The following LRRFIP1 variants were observed in gnomAD, a reference collection of about 807,000 sequenced individuals.
LRRFIP1 encodes the protein leucine-rich repeat flightless-interacting protein 1.
Under a neutral mutation model 104.4 loss-of-function variants are expected in LRRFIP1, and 62 were observed. The ratio of observed to expected loss-of-function variants is 0.59; its 90% CI spans 0.48 to 0.73. LRRFIP1 has a LOEUF of 0.73. LRRFIP1 is among the 30% of genes least tolerant of loss of function. The pLI is 0.00. For missense variants in LRRFIP1, 796 were observed against 824.5 expected, an observed-to-expected ratio of 0.97 and a Z score of 0.42; for synonymous variants, 300 against 299.0, an observed-to-expected ratio of 1.00 and a Z score of -0.03.
intron 1 of LRRFIP1, among the ~76,000 whole-genome samples, chr2:237,634,587 C>A (rs1328026952): frequency 2.0e-5 from 3 of 152,134 alleles, no homozygotes; most frequent in African/African-American, 7.2e-5. Context: ...TAAATGAGAT[C>A]TTTCACAAAA....
At chr2:237,682,721 A>G (rs763866110) in intron 1 of LRRFIP1, among the ~76,000 whole-genome samples, 12 of 152,170 alleles carry the variant, frequency 7.9e-5, no homozygotes, top group Admixed American at 2.0e-4. Flanking sequence ...CTGTCTTTCA[A>G]TGCTCCTGGC....
chr2:237,764,142 C>G (rs1258719421), intron 19 of LRRFIP1: 1 of 1,614,134 alleles, frequency 6.2e-7, no homozygotes, highest in Non-Finnish European at 8.5e-7. Flanking sequence ...ATGTCCTAAG[C>G]TGAGGCAGGC....
rs746057974 is a variant in LRRFIP1, at chr2:237,680,413, C to T, written c.97-28131C>T. On this transcript the variant is annotated intron_variant, in intron 1 of 23. Transcript: ENST00000308482. ...CAGACGTTTTTCTTGTCATTATTCT[C>T]TAAACAATACAGTCTAACAACTATT... Among the ~76,000 whole-genome samples, 59 of 152,336 alleles carry T rather than the reference C, an allele frequency of 3.9e-4. 1 individual carries two copies. Among genetic ancestry groups the T allele is most frequent in the Non-Finnish European group, 1.2e-4 (8 of 68,040 alleles).
Position 237,727,862 on chromosome 2 carries a change from C to A in LRRFIP1, c.385-14C>A. The A allele has an allele frequency of 6.3e-7, 1 of 1,598,178 alleles. No homozygotes were observed. On this transcript the variant is annotated splice_polypyrimidine_tract_variant and intron_variant, in intron 7 of 23. Transcript: ENST00000308482. ...GTACTGATGTCAGTTTTTCTCTTTT[C>A]TTCATTGAAACAGACAAATGGTTAT...
At chr2:237,662,428 G>T (rs1428063930) in intron 1 of LRRFIP1, among the ~76,000 whole-genome samples, 1 of 152,098 alleles carries the variant, frequency 6.6e-6, no homozygotes, top group African/African-American at 2.4e-5. Flanking sequence ...TCACCATCAC[G>T]TATATGATTT....
At chr2:237,710,049 C>T (rs1003552529) in intron 2 of LRRFIP1, among the ~76,000 whole-genome samples, 2 of 151,688 alleles carry the variant, frequency 1.3e-5, no homozygotes, top group African/African-American at 4.8e-5. Flanking sequence ...GACGGGGTTT[C>T]ACCATGTTGG....
chr2:237,720,256 C>G (rs900629922), intron 5 of LRRFIP1, among the ~76,000 whole-genome samples: 2 of 148,736 alleles, frequency 1.3e-5, no homozygotes, highest in South Asian at 2.1e-4. Context: ...CCTGAAATTA[C>G]TTTTTTTTTG....
intron 1 of LRRFIP1, among the ~76,000 whole-genome samples, chr2:237,704,894 A>T (rs1352611338): frequency 6.6e-6 from 1 of 152,158 alleles, no homozygotes; most frequent in Non-Finnish European, 1.5e-5. Context: ...GCCCAAGCCC[A>T]TGTGCCTCCC....
At chr2:237,635,881 G>T (rs1286934570) in intron 1 of LRRFIP1, among the ~76,000 whole-genome samples, 1 of 152,054 alleles carries the variant, frequency 6.6e-6, no homozygotes, top group African/African-American at 2.4e-5. Flanking sequence ...TGGATCACTT[G>T]AGCTCAGGAG....
intron 2 of LRRFIP1, 27 bp from the exon 3 acceptor site, chr2:237,714,232 T>G: frequency 1.3e-6 from 2 of 1,551,202 alleles, no homozygotes; most frequent in Non-Finnish European, 1.8e-6. Flanking sequence ...ATTTTACATT[T>G]CTTTTTTCTT....
At chr2:237,646,245 A>G (rs1330858030) in intron 1 of LRRFIP1, among the ~76,000 whole-genome samples, 1 of 151,740 alleles carries the variant, frequency 6.6e-6, no homozygotes, top group African/African-American at 2.4e-5. Flanking sequence ...TATGTATTAC[A>G]TTTTTTTCTT....
At chr2:237,761,915 G>C (rs1306017422) in intron 19 of LRRFIP1, among the ~76,000 whole-genome samples, 1 of 152,160 alleles carries the variant, frequency 6.6e-6, no homozygotes, top group Non-Finnish European at 1.5e-5. Flanking sequence ...ATTTAATTTA[G>C]TGGTCATCTT....
intron 1 of LRRFIP1, among the ~76,000 whole-genome samples, chr2:237,654,973 A>G (rs1032437146): frequency 5.3e-5 from 8 of 151,964 alleles, no homozygotes; most frequent in Admixed American, 5.3e-4. Flanking sequence ...TCGAGACACA[A>G]TGGAGTACTC....
At chr2:237,757,108 T>C (rs2059351463) in intron 16 of LRRFIP1, among the ~76,000 whole-genome samples, 1 of 152,212 alleles carries the variant, frequency 6.6e-6, no homozygotes, top group African/African-American at 2.4e-5. Context: ...CCTCTAGAAT[T>C]GCAAGAGAAT....
At chr2:237,664,424 G>A (rs1470312461) in intron 1 of LRRFIP1, among the ~76,000 whole-genome samples, 2 of 152,254 alleles carry the variant, frequency 1.3e-5, no homozygotes, top group African/African-American at 4.8e-5. Flanking sequence ...GGCCTCGGCG[G>A]TGTGGCAGTG....
chr2:237,773,083 A>G (rs2060787796), intron 22 of LRRFIP1, 138 bp downstream of exon 22: 2 of 654,130 alleles, frequency 3.1e-6, no homozygotes, highest in Middle Eastern at 2.5e-4. Context: ...AAGTTAAGAC[A>G]GCAAGTCTTT....
intron 1 of LRRFIP1, among the ~76,000 whole-genome samples, chr2:237,702,536 G>A (rs1455690394): frequency 6.6e-6 from 1 of 152,154 alleles, no homozygotes; most frequent in Admixed American, 6.5e-5. Flanking sequence ...CTAACCCCGC[G>A]GGCAGCAGCA....
chr2:237,627,789 C>T, intron 1 of LRRFIP1, 49 bp downstream of exon 1: 1 of 1,113,754 alleles, frequency 9.0e-7, no homozygotes, highest in Non-Finnish European at 1.1e-6. Context: ...GGCGCGGGGG[C>T]CGGACGGCTG....
intron 17 of LRRFIP1, among the ~76,000 whole-genome samples, chr2:237,758,172 G>T (rs148434202): frequency 7.3e-6 from 1 of 137,500 alleles, no homozygotes; most frequent in African/African-American, 2.8e-5. Flanking sequence ...CCATCGGCAC[G>T]TTGACTCAAG....
Sources: gnomAD v4.1 joint callset for allele counts (sites outside exome capture counted in the v4.1 genomes callset) on GRCh38, gnomAD v4.1.1 for gene constraint, MANE v1.5 for transcripts, NCBI Gene and HGNC (gene_info 2026-07-23, HGNC 2026-07-21) for gene names.